ZFYVE16: variants seen among roughly 807,000 people sequenced by gnomAD.
ZFYVE16 encodes zinc finger FYVE-type containing 16.
A neutral mutation model predicts 138.1 loss-of-function variants in ZFYVE16; 89 were observed. That is an observed-to-expected ratio of 0.64 (90% confidence interval 0.54 to 0.77). The LOEUF (loss-of-function observed/expected upper bound fraction) is 0.77. Ranked by LOEUF, ZFYVE16 falls within the 30% of genes least tolerant of loss-of-function variation. ZFYVE16 has a pLI of 0.00. For synonymous variants in ZFYVE16, 596 were observed against 618.3 expected (o/e 0.96, Z 0.53); for missense variants, 1,793 against 1,786.7 (o/e 1.00, Z -0.06).
Position 80,443,254 on chromosome 5 carries a change from G to C in ZFYVE16, c.2551G>C (p.Val851Leu). The C allele has an allele frequency of 6.2e-7, 1 of 1,610,646 alleles. No individual in the cohort carries two copies. Among genetic ancestry groups the C allele is most frequent in the Non-Finnish European group, 8.5e-7 (1 of 1,179,234 alleles). Residue 851 changes from valine to leucine, a missense_variant, in exon 6 of 19, where the codon GTC becomes CTC. Physicochemically the swap from Val to Leu is conservative, Grantham distance 32. Coordinates refer to ENST00000505560, the MANE Select transcript of ZFYVE16 (RefSeq NM_001284236.3). ...TATACCTTCACCAGCAACTTTGCCA[G>C]TCTCAGCACTTAAACAACCAGGTGT... ...SSIPSPATLP[V>L]SALKQPGVEG...
At chr5:80,426,201 GGT>G (rs67789869) in intron 1 of ZFYVE16, among the ~76,000 whole-genome samples, 11,515 of 139,472 alleles carry the variant, frequency 0.083, 523 homozygotes, top group South Asian at 0.091. Context: ...GTGTGTGTGT[GGT>G]GTGTGTGTGT....
chr5:80,460,150 A>G (rs761422590), intron 15 of ZFYVE16, among the ~76,000 whole-genome samples: 9 of 152,172 alleles, frequency 5.9e-5, no homozygotes, highest in Non-Finnish European at 8.8e-5. Flanking sequence ...TTCTCCAAAC[A>G]TGATATTATC....
chr5:80,437,478 A>G lies in ZFYVE16; in HGVS notation c.793A>G (p.Lys265Glu). The G allele has an allele frequency of 6.2e-7, 1 of 1,608,874 alleles. No individual in the cohort carries two copies. The highest frequency in any genetic ancestry group is 8.5e-7 in the Non-Finnish European group (1 of 1,177,988). ...TCATGCCAAAGACAAGCTACAACACAAGAGCCAGCCATGTGGATTACTAAA... is the reference window on the plus strand; with the variant it reads ...TCATGCCAAAGACAAGCTACAACACGAGAGCCAGCCATGTGGATTACTAAA... ...MFHAKDKLQH[K>E]SQPCGLLKDV... The change falls in exon 4 of 19, where the codon AAG (lysine) becomes GAG (glutamate). Residue 265 changes from lysine (K) to glutamate (E), a missense_variant. Lys to Glu is a moderately conservative substitution (Grantham distance 56). Coordinates refer to ENST00000505560, the MANE Select transcript of ZFYVE16 (RefSeq NM_001284236.3).
chr5:80,442,468 C>T (rs956896899), intron 5 of ZFYVE16, among the ~76,000 whole-genome samples: 4 of 152,072 alleles, frequency 2.6e-5, no homozygotes, highest in African/African-American at 7.2e-5. Flanking sequence ...GACATGTGAG[C>T]AGAGTCTTGA....
intron 1 of ZFYVE16, among the ~76,000 whole-genome samples, chr5:80,420,357 A>T (rs1746949359): frequency 6.6e-6 from 1 of 152,030 alleles, no homozygotes; most frequent in Admixed American, 6.6e-5. Context: ...AGGTTTGTTA[A>T]CATATGTATA....
chr5:80,443,539 G>A (rs1338163060), intron 6 of ZFYVE16, among the ~76,000 whole-genome samples: 1 of 152,204 alleles, frequency 6.6e-6, no homozygotes, highest in African/African-American at 2.4e-5. Flanking sequence ...AGAGGCTAGA[G>A]CTCAGTACAG....
chr5:80,459,524 A>G, intron 15 of ZFYVE16, 30 bp downstream of exon 15: 1 of 1,569,002 alleles, frequency 6.4e-7, no homozygotes, highest in Non-Finnish European at 8.7e-7. Flanking sequence ...TGGTGTTTTA[A>G]TGTAGAGTTA....
intron 14 of ZFYVE16, among the ~76,000 whole-genome samples, chr5:80,457,476 T>A (rs769727685): frequency 1.8e-4 from 27 of 152,318 alleles, no homozygotes; most frequent in Non-Finnish European, 3.4e-4. Flanking sequence ...TTATAAAACG[T>A]AACAAACAGC....
At chr5:80,408,460 G>T (rs1040199176) in intron 1 of ZFYVE16, among the ~76,000 whole-genome samples, 1 of 152,228 alleles carries the variant, frequency 6.6e-6, no homozygotes, top group Non-Finnish European at 1.5e-5. Flanking sequence ...CGGCGCTCCT[G>T]GGGGAGAGAC....
intron 2 of ZFYVE16, 40 bp from the exon 3 acceptor site, chr5:80,434,069 T>G: frequency 7.5e-7 from 1 of 1,338,764 alleles, no homozygotes; most frequent in South Asian, 1.3e-5. Flanking sequence ...AAATTTGTTA[T>G]GTAATTAAAT....
rs140661213 is a variant in ZFYVE16 at position 80,438,678 on chromosome 5, C to G, written c.1993C>G (p.Leu665Val). 6.2e-7 allele frequency: 1 copy of G among 1,613,934 alleles called. No homozygotes were observed. Among genetic ancestry groups the G allele is most frequent in the African/African-American group, 1.3e-5 (1 of 74,910 alleles). ...LPSRTRSSKD[L>V]NKPDVPDTIE... ...ATCAAGAACAAGGAGTTCAAAGGAC[C>G]TGAATAAGCCAGATGTTCCAGATAC... Residue 665 changes from leucine (L) to valine (V), a missense_variant, in exon 4 of 19, where the codon CTG (leucine) becomes GTG (valine). Around this residue, in one of 2 missense-constraint regions of ZFYVE16, gnomAD observed 1,295 missense variants for 1,204.3 expected, o/e 1.08. Transcript: ENST00000505560.
At chr5:80,430,366 A>G (rs546516133) in intron 2 of ZFYVE16, among the ~76,000 whole-genome samples, 39 of 151,916 alleles carry the variant, frequency 2.6e-4, no homozygotes, top group African/African-American at 9.2e-4. Flanking sequence ...ATGAAGGCAG[A>G]AATAAAGATG....
chr5:80,457,025 A>C lies in ZFYVE16; in HGVS notation c.3876A>C (p.Leu1292=). The C allele has an allele frequency of 6.2e-7, 1 of 1,613,414 alleles. No homozygotes were observed. Among genetic ancestry groups the C allele is most frequent in the South Asian group, 1.1e-5 (1 of 90,880 alleles). Residue 1292 remains leucine, a synonymous_variant, in exon 14 of 19, where the codon CTA becomes CTC. Transcript: ENST00000505560. ...ASFSTEADSH[L]VCIQNDGIYE... ...TCAGTACAGAAGCAGATTCTCATCT[A>C]GTCTGTATACAGAATGATGGAATTT...
At chr5:80,447,896 G>T (rs1398556165) in intron 7 of ZFYVE16, 130 bp from the exon 8 acceptor site, 2 of 773,492 alleles carry the variant, frequency 2.6e-6, no homozygotes, top group Non-Finnish European at 3.7e-6. Flanking sequence ...GACTTTAAGA[G>T]AATTTCTGAA....
rs1300246933 is a variant in ZFYVE16 at position 80,481,817 on chromosome 5, GTTATT to G, written c.*4448_*4452del. On this transcript the variant is annotated 3_prime_UTR_variant, in exon 19 of 19. Transcript: ENST00000505560. ...ATTATCAGAAAAAGACTTAAAACTA[GTTATT>G]TTATTTTTTTTATTTATTTTTGAGA... is the stretch of plus-strand genomic sequence containing the variant. Among the ~76,000 whole-genome samples, 2 of 151,968 alleles carry G rather than the reference GTTATT, an allele frequency of 1.3e-5. No homozygotes were observed. Among genetic ancestry groups the G allele is most frequent in the African/African-American group, 4.8e-5 (2 of 41,412 alleles).
At chr5:80,415,580 TTATTA>T (rs1438129805) in intron 1 of ZFYVE16, among the ~76,000 whole-genome samples, 5 of 152,194 alleles carry the variant, frequency 3.3e-5, no homozygotes, top group Non-Finnish European at 7.3e-5. Context: ...GTTTTTCTCG[TTATTA>T]TATTGGGGTA....
chr5:80,418,113 T>G (rs1746523378), intron 1 of ZFYVE16, among the ~76,000 whole-genome samples: 2 of 152,184 alleles, frequency 1.3e-5, no homozygotes, highest in South Asian at 4.1e-4. Context: ...TCAGTACTTT[T>G]GCCAATTTTA....
At chr5:80,461,707 G>A (rs1753135998) in intron 15 of ZFYVE16, among the ~76,000 whole-genome samples, 1 of 152,076 alleles carries the variant, frequency 6.6e-6, no homozygotes. Flanking sequence ...TGGGTGTGGT[G>A]GGTCACACCT....
At chr5:80,445,520 A>T in intron 7 of ZFYVE16, 115 bp downstream of exon 7, 1 of 906,826 alleles carries the variant, frequency 1.1e-6, no homozygotes, top group South Asian at 1.8e-5. Context: ...GCTTCCTAAA[A>T]TAAGAGATGT....
Sources: gnomAD v4.1 joint callset for allele counts (sites outside exome capture counted in the v4.1 genomes callset) on GRCh38, gnomAD v4.1.1 for gene constraint, gnomAD v4.1.1 regional missense constraint, MANE v1.5 for transcripts, NCBI Gene and HGNC (gene_info 2026-07-23, HGNC 2026-07-21) for gene names.